SECISBP2L: variants seen among roughly 807,000 people sequenced by gnomAD.
The protein encoded by SECISBP2L is SECIS binding protein 2 like.
A neutral mutation model predicts 114.7 loss-of-function variants in SECISBP2L; 43 were observed. The observed-to-expected ratio is 0.38, with a 90% CI of 0.29 to 0.48. SECISBP2L has a LOEUF of 0.48. SECISBP2L is among the 20% of genes least tolerant of loss of function. The pLI, the probability that SECISBP2L is intolerant of heterozygous loss-of-function variation, is 0.98. For synonymous variants in SECISBP2L, 451 were observed against 439.7 expected (o/e 1.03, Z -0.32); for missense variants, 1,136 against 1,301.1 (o/e 0.87, Z 1.95).
intron 7 of SECISBP2L, among the ~76,000 whole-genome samples, chr15:49,021,160 G>A (rs991500890): frequency 5.3e-5 from 8 of 152,014 alleles, no homozygotes; most frequent in African/African-American, 9.7e-5. Flanking sequence ...TACCACATAA[G>A]GACAAAGCTA....
intron 17 of SECISBP2L, among the ~76,000 whole-genome samples, chr15:48,994,266 T>C (rs73404251): frequency 1.5e-4 from 23 of 152,316 alleles, no homozygotes; most frequent in African/African-American, 5.1e-4. Context: ...AATTCATCAC[T>C]ATACCATGAC....
chr15:49,038,392 A>G (rs928053777), intron 1 of SECISBP2L, among the ~76,000 whole-genome samples: 1 of 151,948 alleles, frequency 6.6e-6, no homozygotes, highest in Non-Finnish European at 1.5e-5. Context: ...TTTACTTTGT[A>G]TCTTTTCTTA....
rs1045297897 is a variant in SECISBP2L at position 48,989,244 on chromosome 15, T to A, written c.*3000A>T. The A allele has an allele frequency of 6.6e-6, 1 of 152,386 alleles. No individual in the cohort carries two copies. Among genetic ancestry groups the A allele is most frequent in the Admixed American group, 6.6e-5 (1 of 15,248 alleles). 9.4% of individuals were successfully genotyped at this position (152,386 alleles called of 1,614,324 possible). On this transcript the variant is annotated 3_prime_UTR_variant, in exon 18 of 18. Coordinates refer to ENST00000559471, the MANE Select transcript of SECISBP2L (RefSeq NM_001193489.2). ...TTCATGTTAAAGAGTTGAAAATGAG[T>A]GTAGCATTCACTACTCATTTGCACA...
chr15:49,001,112 C>T lies in SECISBP2L; in HGVS notation c.2028-15G>A. ...GATTACAATACCTGTAAAAAAAAACCAAAATGGGTAACTCCATCCTAATTT... is the reference window on the plus strand; with the variant it reads ...GATTACAATACCTGTAAAAAAAAACTAAAATGGGTAACTCCATCCTAATTT... On this transcript the variant is annotated splice_polypyrimidine_tract_variant and intron_variant, in intron 14 of 17. Coordinates refer to ENST00000559471, the MANE Select transcript of SECISBP2L (RefSeq NM_001193489.2). The T allele has an allele frequency of 1.3e-6, 2 of 1,551,010 alleles. No homozygotes were observed. The highest frequency in any genetic ancestry group is 1.8e-6 in the Non-Finnish European group (2 of 1,141,290).
chr15:49,012,588 A>G (rs1031224167), intron 12 of SECISBP2L, 60 bp downstream of exon 12: 15 of 1,565,240 alleles, frequency 9.6e-6, no homozygotes, highest in Non-Finnish European at 1.3e-5. Flanking sequence ...TACTTTTACA[A>G]AACAGATTAA....
At chr15:49,002,278 C>T (rs1391358045) in intron 14 of SECISBP2L, among the ~76,000 whole-genome samples, 1 of 152,106 alleles carries the variant, frequency 6.6e-6, no homozygotes, top group East Asian at 1.9e-4. Context: ...TGCTCGTATC[C>T]TTCGCCCACT....
chr15:49,007,071 G>T (rs1902338672), intron 14 of SECISBP2L, among the ~76,000 whole-genome samples: 2 of 152,192 alleles, frequency 1.3e-5, no homozygotes, highest in Non-Finnish European at 1.5e-5. Context: ...CAGGTCTGCT[G>T]GAGTTTGCTG....
Position 48,992,107 on chromosome 15 carries a change from TA to T in SECISBP2L, c.*136del. On this transcript the variant is annotated 3_prime_UTR_variant, in exon 18 of 18. Transcript: ENST00000559471. ...AAGCTAAGCTACAGATCATAACAAG[TA>T]AAAGCTACAAAAATATTTGTTGGGA... 1 of 790,622 alleles carries T rather than the reference TA, an allele frequency of 1.3e-6. No individual in the cohort carries two copies. 49.0% of individuals were successfully genotyped at this position (790,622 alleles called of 1,614,324 possible). A position where few individuals can be genotyped will look rare whatever the true frequency, so the allele number is the denominator to read the frequency against.
At chr15:49,030,875 A>C (rs989107690) in intron 4 of SECISBP2L, among the ~76,000 whole-genome samples, 2 of 152,124 alleles carry the variant, frequency 1.3e-5, no homozygotes, top group East Asian at 1.9e-4. Context: ...TGGCTTTACA[A>C]GTTTCCATAT....
chr15:48,992,271 A>T lies in SECISBP2L; in HGVS notation c.3279T>A (p.Asp1093Glu), dbSNP rs1454790101. 1.9e-6 allele frequency: 3 copies of T among 1,609,978 alleles called. No individual in the cohort carries two copies. The Admixed American group carries it at 5.1e-5, about 27-fold the overall frequency. Residue 1093 changes from aspartate to glutamate, a missense_variant, in exon 18 of 18, where the codon GAT (aspartate) becomes GAA (glutamate). Asp to Glu is a conservative substitution (Grantham distance 45, BLOSUM62 2). This residue lies in a region of SECISBP2L where 684 missense variants were observed against 848.7 expected (regional missense o/e 0.81). Transcript: ENST00000559471. ...ACGTAGTTTGCGTTGTGTAATTAGAATCAGAGTGCTCTTTGTTGAGCGAGC... is the reference window on the plus strand; with the variant it reads ...ACGTAGTTTGCGTTGTGTAATTAGATTCAGAGTGCTCTTTGTTGAGCGAGC... ...NCSSLNKEHSDSNYTTQTT is the reference protein window; with the variant it reads ...NCSSLNKEHSESNYTTQTT
At chr15:49,045,482 G>A (rs1903226852) in intron 1 of SECISBP2L, among the ~76,000 whole-genome samples, 2 of 152,146 alleles carry the variant, frequency 1.3e-5, no homozygotes, top group Non-Finnish European at 2.9e-5. Flanking sequence ...GAGATCTTAA[G>A]AGTGGAAAAT....
Position 49,010,989 on chromosome 15 carries a change from C to T in SECISBP2L, c.1864+742G>A, listed in dbSNP as rs1902427083. ...ATGGATGGATGATTACACCTAAAAA[C>T]ATGGGGAATCATTAAATTGAGAATA... On this transcript the variant is annotated intron_variant, in intron 13 of 17. Transcript: ENST00000559471. Among the ~76,000 whole-genome samples, 4 of 152,282 alleles carry T rather than the reference C, an allele frequency of 2.6e-5. No individual in the cohort carries two copies. In the South Asian group the frequency reaches 8.3e-4, roughly 32 times the overall value.
At chr15:49,027,168 CCATATAT>C (rs1427190069) in intron 7 of SECISBP2L, among the ~76,000 whole-genome samples, 190 bp downstream of exon 7, 1 of 152,056 alleles carries the variant, frequency 6.6e-6, no homozygotes, top group African/African-American at 2.4e-5. Context: ...AAAAATGGTA[CCATATAT>C]ACCCACTCAA....
chr15:49,009,388 T>A lies in SECISBP2L; in HGVS notation c.1865-10A>T. 2 of 1,602,928 alleles carry A rather than the reference T, an allele frequency of 1.2e-6. No individual in the cohort carries two copies. Among genetic ancestry groups the A allele is most frequent in the Non-Finnish European group, 1.7e-6 (2 of 1,175,522 alleles). ...ATGCTTAGTCCAGTATCTGTGGAGA[T>A]GTGGAGTGAAGGGAAAAAATTTAGA... On this transcript the variant is annotated splice_polypyrimidine_tract_variant and intron_variant, in intron 13 of 17. Coordinates refer to ENST00000559471, the MANE Select transcript of SECISBP2L (RefSeq NM_001193489.2).
intron 1 of SECISBP2L, among the ~76,000 whole-genome samples, chr15:49,045,502 GA>G (rs1272563145): frequency 2.6e-5 from 4 of 152,102 alleles, no homozygotes; most frequent in African/African-American, 9.7e-5. Flanking sequence ...TACTGGGGGG[GA>G]AACTATTGTT....
chr15:48,996,571 A>T lies in SECISBP2L; in HGVS notation c.2419T>A (p.Leu807Ile). 6.2e-7 allele frequency: 1 copy of T among 1,612,932 alleles called. No individual in the cohort carries two copies. The highest frequency in any genetic ancestry group is 8.5e-7 in the Non-Finnish European group (1 of 1,179,664). The change falls in exon 17 of 18, where the codon TTA becomes ATA. Residue 807 changes from leucine to isoleucine, a missense_variant. Leu to Ile is a conservative substitution (Grantham distance 5). This residue lies in a region of SECISBP2L where 684 missense variants were observed against 848.7 expected (regional missense o/e 0.81). Coordinates refer to ENST00000559471, the MANE Select transcript of SECISBP2L (RefSeq NM_001193489.2). ...YFGAESLFNK[L>I]VELTEEARKA... ...CTGGCCTCCTCAGTGAGTTCTACTA[A>T]TTTATTAAACAGGCTCTGAAAAGAA...
At chr15:49,035,274 A>G in intron 3 of SECISBP2L, 60 bp downstream of exon 3, 2 of 1,476,184 alleles carry the variant, frequency 1.4e-6, no homozygotes, top group Non-Finnish European at 1.8e-6. Context: ...CAAGTAGCAA[A>G]TTGCTTATAC....
chr15:48,993,281 C>A (rs1902027112), intron 17 of SECISBP2L, among the ~76,000 whole-genome samples: 1 of 151,882 alleles, frequency 6.6e-6, no homozygotes, highest in South Asian at 2.1e-4. Flanking sequence ...AGCCACTGTG[C>A]CCAACCTAAT....
In SECISBP2L at chr15:48,992,690, C is replaced by T. The variant is rs1365604807; in HGVS notation, c.2860G>A (p.Ala954Thr). 6.2e-7 allele frequency: 1 copy of T among 1,614,058 alleles called. No homozygotes were observed. Among genetic ancestry groups the T allele is most frequent in the Non-Finnish European group, 8.5e-7 (1 of 1,180,050 alleles). Reference protein sequence around the residue: ...EEVKPDDLEWASQQSTETGSL... With the variant: ...EEVKPDDLEWTSQQSTETGSL... ...CCAGTCTCTGTACTCTGCTGTGAGG[C>T]CCATTCCAGGTCATCTGGCTTCACT... The change falls in exon 18 of 18, where the codon GCC becomes ACC. Residue 954 changes from alanine to threonine, a missense_variant. This residue lies in a region of SECISBP2L where 684 missense variants were observed against 848.7 expected (regional missense o/e 0.81). Transcript: ENST00000559471.
Sources: gnomAD v4.1 joint callset for allele counts (sites outside exome capture counted in the v4.1 genomes callset) on GRCh38, gnomAD v4.1.1 for gene constraint, gnomAD v4.1.1 regional missense constraint, MANE v1.5 for transcripts, NCBI Gene and HGNC (gene_info 2026-07-23, HGNC 2026-07-21) for gene names.